LRRC66: variants seen among roughly 807,000 people sequenced by gnomAD.
LRRC66 encodes leucine-rich repeat-containing protein 66.
Under a neutral mutation model 24.6 loss-of-function variants are expected in LRRC66, and 29 were observed. The ratio of observed to expected loss-of-function variants is 1.18; its 90% CI spans 0.88 to 1.61. The LOEUF (loss-of-function observed/expected upper bound fraction) is 1.61. LRRC66 is among the 40% of genes most tolerant of loss of function. The pLI is 0.00. For synonymous variants in LRRC66, 411 were observed against 397.6 expected (o/e 1.03, Z -0.40); for missense variants, 1,124 against 1,058.0 (o/e 1.06, Z -0.87).
At chr4:52,004,411 A>G (rs757669427) in intron 2 of LRRC66, among the ~76,000 whole-genome samples, 2 of 152,218 alleles carry the variant, frequency 1.3e-5, no homozygotes, top group Non-Finnish European at 2.9e-5. Flanking sequence ...AGTAAGTTAT[A>G]GCTAGATTTT....
chr4:51,995,179 C>G lies in LRRC66; in HGVS notation c.1843G>C (p.Asp615His). Reference sequence around the variant, plus strand: ...TCCTTAGAAAATTCCATCTGCGAGTCCCAAAGTGACTGTTCAGTGCCCCCT... The same window carrying G: ...TCCTTAGAAAATTCCATCTGCGAGTGCCAAAGTGACTGTTCAGTGCCCCCT... ...ERGGTEQSLW[D>H]SQMEFSKERQ... Residue 615 changes from aspartate (D) to histidine (H), a missense_variant, in exon 5 of 5, where the codon GAC (aspartate) becomes CAC (histidine). Transcript: ENST00000682860. 6.2e-7 allele frequency: 1 copy of G among 1,614,210 alleles called. No homozygotes were observed.
intron 1 of LRRC66, among the ~76,000 whole-genome samples, 165 bp downstream of exon 1, chr4:52,020,139 G>A (rs1736911795): frequency 1.3e-5 from 2 of 151,988 alleles, no homozygotes; most frequent in African/African-American, 4.8e-5. Flanking sequence ...GTCAGCAAGT[G>A]AAAGATAGGA....
intron 2 of LRRC66, among the ~76,000 whole-genome samples, chr4:52,009,219 T>C (rs1436649830): frequency 6.6e-6 from 1 of 152,078 alleles, no homozygotes; most frequent in Non-Finnish European, 1.5e-5. Context: ...CATATCAAAA[T>C]TTGTGGGACG....
chr4:52,008,550 T>C lies in LRRC66; in HGVS notation c.497-5158A>G, dbSNP rs1560560743. ...AATTGAGTGTATGTCAGGAACACTATAAAAAGAATAAAGATATGGATGAGA... is the reference window on the plus strand; with the variant it reads ...AATTGAGTGTATGTCAGGAACACTACAAAAAGAATAAAGATATGGATGAGA... On this transcript the variant is annotated intron_variant, in intron 2 of 4. Transcript: ENST00000682860. 7.2e-5 allele frequency among the ~76,000 whole-genome samples: 11 copies of C among 152,034 alleles called. No homozygotes were observed. The South Asian group carries it at 2.3e-3, about 32-fold the overall frequency.
chr4:51,996,169 C>T lies in LRRC66; in HGVS notation c.857-4G>A, dbSNP rs187311266. 6.1e-5 allele frequency: 95 copies of T among 1,568,966 alleles called. No homozygotes were observed. In the Admixed American group the frequency reaches 1.8e-3, roughly 30 times the overall value. The stretch of plus-strand genomic sequence containing the variant: ...CCCCCGTTGGCCTCCTCACTCCCTG[C>T]AAGTGGGATTAAAAAAATACACATT... On this transcript the variant is annotated splice_polypyrimidine_tract_variant and splice_region_variant and intron_variant, in intron 4 of 4. Transcript: ENST00000682860.
chr4:51,994,600 A>G lies in LRRC66; in HGVS notation c.2422T>C (p.Ser808Pro). The G allele has an allele frequency of 1.2e-6, 2 of 1,614,180 alleles. No individual in the cohort carries two copies. Among genetic ancestry groups the G allele is most frequent in the African/African-American group, 2.7e-5 (2 of 75,060 alleles). The change falls in exon 5 of 5, where the codon TCA (serine) becomes CCA (proline). Residue 808 changes from serine to proline, a missense_variant. Coordinates refer to ENST00000682860, the MANE Select transcript of LRRC66 (RefSeq NM_001024611.3). Reference sequence around the variant, plus strand: ...TCCCCTAAGGGACTATTCCCTGGTGACCTGGGCCAGGGTGACAGGCCCTCA... The same window carrying G: ...TCCCCTAAGGGACTATTCCCTGGTGGCCTGGGCCAGGGTGACAGGCCCTCA... The part of the protein sequence containing the change: ...RSEGLSPWPR[S>P]PGNSPLGDEF...
At chr4:52,000,725 C>T (rs2110194593) in intron 3 of LRRC66, among the ~76,000 whole-genome samples, 1 of 152,310 alleles carries the variant, frequency 6.6e-6, no homozygotes, top group Middle Eastern at 3.4e-3. Flanking sequence ...TCCAGCAGCC[C>T]ACAAGGAACT....
chr4:52,007,379 T>C (rs1736612893), intron 2 of LRRC66, among the ~76,000 whole-genome samples: 1 of 152,046 alleles, frequency 6.6e-6, no homozygotes, highest in Admixed American at 6.6e-5. Context: ...AGAGATAGAA[T>C]CTCACCATGT....
intron 2 of LRRC66, among the ~76,000 whole-genome samples, chr4:52,004,599 T>G (rs896153437): frequency 6.6e-6 from 1 of 152,216 alleles, no homozygotes; most frequent in African/African-American, 2.4e-5. Context: ...AGGAAGTGCC[T>G]GCATTTTTAC....
At chr4:52,016,803 TTAAC>T (rs1218632794) in intron 2 of LRRC66, among the ~76,000 whole-genome samples, 1 of 152,212 alleles carries the variant, frequency 6.6e-6, no homozygotes, top group African/African-American at 2.4e-5. Context: ...CTTTTCTATA[TTAAC>T]TAATACATGA....
intron 1 of LRRC66, among the ~76,000 whole-genome samples, chr4:52,019,883 CAT>C (rs1182126153): frequency 2.0e-5 from 3 of 151,992 alleles, no homozygotes; most frequent in Non-Finnish European, 2.9e-5. Flanking sequence ...GAGATTTATA[CAT>C]GTTAGGTTTG....
Position 51,994,081 on chromosome 4 carries a change from C to T in LRRC66, c.*298G>A, listed in dbSNP as rs184898548. 2.3e-4 allele frequency: 63 copies of T among 277,308 alleles called. No individual in the cohort carries two copies. Among genetic ancestry groups the T allele is most frequent in the African/African-American group, 1.3e-3 (60 of 45,406 alleles). 17.2% of individuals were successfully genotyped at this position (277,308 alleles called of 1,614,324 possible). ...CTCAGTGAACTGGTTTTGTTTGGAGCTCTTGTAATAATGGTGCATGGTTCT... is the reference window on the plus strand; with the variant it reads ...CTCAGTGAACTGGTTTTGTTTGGAGTTCTTGTAATAATGGTGCATGGTTCT... On this transcript the variant is annotated 3_prime_UTR_variant, in exon 5 of 5. Transcript: ENST00000682860.
intron 4 of LRRC66, 116 bp downstream of exon 4, chr4:51,997,632 C>A: frequency 1.1e-6 from 1 of 894,610 alleles, no homozygotes; most frequent in African/African-American, 1.7e-5. Context: ...CTGACTAATG[C>A]CAAGGATCAG....
At chr4:52,018,216 A>G in intron 1 of LRRC66, 2 of 985,436 alleles carry the variant, frequency 2.0e-6, no homozygotes, top group South Asian at 9.4e-5. Context: ...CATACAACAT[A>G]ATGTGTTATC....
At chr4:52,012,105 T>G (rs1736719094) in intron 2 of LRRC66, among the ~76,000 whole-genome samples, 2 of 152,028 alleles carry the variant, frequency 1.3e-5, no homozygotes. Context: ...GAGAATCTCT[T>G]GAACCCGGGA....
At chr4:52,003,827 C>T (rs1043761652) in intron 2 of LRRC66, among the ~76,000 whole-genome samples, 2 of 152,120 alleles carry the variant, frequency 1.3e-5, no homozygotes, top group African/African-American at 4.8e-5. Context: ...TGAGCATGTA[C>T]TACTTTCAAA....
chr4:51,995,735 C>T lies in LRRC66; in HGVS notation c.1287G>A (p.Met429Ile). The T allele has an allele frequency of 9.3e-6, 15 of 1,614,114 alleles. No individual in the cohort carries two copies. Among genetic ancestry groups the T allele is most frequent in the Non-Finnish European group, 1.3e-5 (15 of 1,180,034 alleles). ...AYSNEGFYDD[M>I]EAAGHTPHPE... The stretch of plus-strand genomic sequence containing the variant: ...GGTGTGGTGTGTGCCCCGCAGCTTC[C>T]ATGTCATCGTAGAAGCCCTCGTTTG... The change falls in exon 5 of 5, where the codon ATG (methionine) becomes ATA (isoleucine). Residue 429 changes from methionine (M) to isoleucine (I), a missense_variant. Physicochemically the swap from Met to Ile is conservative, Grantham distance 10. Transcript: ENST00000682860.
At chr4:52,018,754 C>T (rs529763780) in intron 1 of LRRC66, among the ~76,000 whole-genome samples, 2 of 152,152 alleles carry the variant, frequency 1.3e-5, no homozygotes, top group Admixed American at 1.3e-4. Context: ...AACTTAATGA[C>T]CTAGCTTGAT....
chr4:52,000,878 A>T (rs1256998346), intron 3 of LRRC66, among the ~76,000 whole-genome samples: 1 of 152,180 alleles, frequency 6.6e-6, no homozygotes, highest in African/African-American at 2.4e-5. Context: ...CCATGCCTGG[A>T]TTTCCGTCTC....
Sources: gnomAD v4.1 joint callset for allele counts (sites outside exome capture counted in the v4.1 genomes callset) on GRCh38, gnomAD v4.1.1 for gene constraint, MANE v1.5 for transcripts, NCBI Gene and HGNC (gene_info 2026-07-23, HGNC 2026-07-21) for gene names.